The following NCAPD2 variants were observed in gnomAD, a reference collection of about 807,000 sequenced individuals.
NCAPD2 encodes the protein condensin complex subunit 1.
A neutral mutation model predicts 164.5 loss-of-function variants in NCAPD2; 100 were observed. That is an observed-to-expected ratio of 0.61 (90% CI 0.52 to 0.72). The LOEUF is 0.72. Ranked by LOEUF, NCAPD2 falls within the 30% of genes least tolerant of loss-of-function variation. The pLI is 0.00. For synonymous variants in NCAPD2, 585 were observed against 642.6 expected (o/e 0.91, Z 1.36); for missense variants, 1,560 against 1,749.2 (o/e 0.89, Z 1.93).
intron 21 of NCAPD2, 64 bp from the exon 22 acceptor site, chr12:6,526,827 G>A (rs1269769869): frequency 2.5e-5 from 38 of 1,534,206 alleles, no homozygotes; most frequent in Non-Finnish European, 3.3e-5. Flanking sequence ...GTAAAAATCG[G>A]ATTCAGGTTT....
At chr12:6,510,186 G>T (rs1369708096) in intron 4 of NCAPD2, 53 bp downstream of exon 4, 1 of 1,505,182 alleles carries the variant, frequency 6.6e-7, no homozygotes, top group African/African-American at 1.4e-5. Context: ...TCGTTTGTTT[G>T]TTTGTCTGTT....
intron 2 of NCAPD2, among the ~76,000 whole-genome samples, chr12:6,502,876 A>T (rs1946051106): frequency 6.6e-6 from 1 of 151,694 alleles, no homozygotes; most frequent in Admixed American, 6.6e-5. Flanking sequence ...TTTGAGACGG[A>T]GTCTCACTCT....
intron 2 of NCAPD2, among the ~76,000 whole-genome samples, chr12:6,505,470 G>A (rs753458350): frequency 2.0e-5 from 3 of 152,118 alleles, no homozygotes; most frequent in Non-Finnish European, 2.9e-5. Context: ...CCATAGTATC[G>A]ACAAGAGGCG....
intron 14 of NCAPD2, among the ~76,000 whole-genome samples, chr12:6,521,550 C>G (rs988019790): frequency 9.7e-5 from 14 of 144,858 alleles, no homozygotes; most frequent in African/African-American, 3.7e-4. Context: ...TAGCCAGGTG[C>G]GGTGGCACGC....
At chr12:6,495,904 T>G (rs1945977808) in intron 2 of NCAPD2, among the ~76,000 whole-genome samples, 2 of 152,180 alleles carry the variant, frequency 1.3e-5, no homozygotes, top group South Asian at 4.1e-4. Flanking sequence ...TGCCTTGGTT[T>G]CGTCATCTGT....
At chr12:6,510,889 AT>A (rs1946140321) in intron 5 of NCAPD2, 79 bp downstream of exon 5, 1 of 1,489,792 alleles carries the variant, frequency 6.7e-7, no homozygotes, top group South Asian at 1.3e-5. Flanking sequence ...GAATCCAATG[AT>A]CCACAAATCC....
At chr12:6,508,778 G>A (rs775521051) in intron 2 of NCAPD2, among the ~76,000 whole-genome samples, 9 of 152,184 alleles carry the variant, frequency 5.9e-5, no homozygotes, top group Non-Finnish European at 1.0e-4. Flanking sequence ...CAGACACTAC[G>A]AAGTGATCAA....
intron 2 of NCAPD2, among the ~76,000 whole-genome samples, chr12:6,500,636 C>A (rs756534414): frequency 1.3e-5 from 2 of 152,184 alleles, no homozygotes; most frequent in Non-Finnish European, 2.9e-5. Flanking sequence ...GATGTCAAAG[C>A]TGCTGAATCA....
At chr12:6,510,326 T>G (rs745753665) in intron 4 of NCAPD2, 193 bp downstream of exon 4, 9 of 796,904 alleles carry the variant, frequency 1.1e-5, no homozygotes, top group Middle Eastern at 2.2e-4. Flanking sequence ...TACAGAGTTA[T>G]GTGTGTTCAC....
At chr12:6,503,713 G>C (rs1368111935) in intron 2 of NCAPD2, among the ~76,000 whole-genome samples, 1 of 151,560 alleles carries the variant, frequency 6.6e-6, no homozygotes, top group East Asian at 1.9e-4. Flanking sequence ...GGAGGTTGTA[G>C]TGAGCCGAGA....
chr12:6,505,942 C>G (rs529890787), intron 2 of NCAPD2, among the ~76,000 whole-genome samples: 1 of 151,488 alleles, frequency 6.6e-6, no homozygotes, highest in Non-Finnish European at 1.5e-5. Context: ...CATGTACTGT[C>G]TGTGTTTGTG....
rs1419459612 is a variant in NCAPD2, at chr12:6,526,496, T to G, written c.2615T>G (p.Val872Gly). ...PLWIPFKEVA[V>G]TLIYQLAEGP... ...TGGATCCCATTCAAAGAGGTGGCAGTGACCCTCATTTACCAACTGGCAGAG... is the reference window on the plus strand; with the variant it reads ...TGGATCCCATTCAAAGAGGTGGCAGGGACCCTCATTTACCAACTGGCAGAG... The change falls in exon 21 of 32, where the codon GTG becomes GGG. Residue 872 changes from valine to glycine, a missense_variant. By Grantham distance (109) the Val-to-Gly change is moderately radical. Transcript: ENST00000315579. The G allele has an allele frequency of 5.6e-6, 9 of 1,614,164 alleles. No homozygotes were observed. In the South Asian group the frequency reaches 6.6e-5, roughly 12 times the overall value.
Position 6,527,760 on chromosome 12 carries a change from A to C in NCAPD2, c.2908-17A>C, listed in dbSNP as rs754433885. On this transcript the variant is annotated splice_polypyrimidine_tract_variant and intron_variant, in intron 22 of 31. Coordinates refer to ENST00000315579, the MANE Select transcript of NCAPD2 (RefSeq NM_014865.4). ...TTGTCTCTGCTTATCCATGATCCCC[A>C]ATTTCATTCCCTTTAGAATACGAGC... is the stretch of plus-strand genomic sequence containing the variant. The C allele has an allele frequency of 1.3e-6, 2 of 1,596,944 alleles. No homozygotes were observed. The highest frequency in any genetic ancestry group is 3.3e-4 in the Middle Eastern group (2 of 6,008).
At chr12:6,495,407 A>G (rs749486343) in intron 2 of NCAPD2, among the ~76,000 whole-genome samples, 182 bp downstream of exon 2, 6 of 152,226 alleles carry the variant, frequency 3.9e-5, no homozygotes, top group Non-Finnish European at 8.8e-5. Flanking sequence ...GAGTACATTC[A>G]TTAACTTCCT....
At chr12:6,518,071 A>G (rs1946220977) in intron 13 of NCAPD2, 112 bp downstream of exon 13, 1 of 1,001,016 alleles carries the variant, frequency 1.0e-6, no homozygotes, top group Admixed American at 2.1e-5. Flanking sequence ...TGCTGCCACC[A>G]GGTGATGGTA....
chr12:6,531,210 C>T lies in NCAPD2; in HGVS notation c.4121-117C>T. On this transcript the variant is annotated intron_variant, in intron 31 of 31. Coordinates refer to ENST00000315579, the MANE Select transcript of NCAPD2 (RefSeq NM_014865.4). The surrounding 1 kb of genome is among the most constrained non-coding windows in gnomAD (Gnocchi z 4.1). ...CTGCCGCAGAAGGGCCTCTCCTGTACAGCTTGGATTTTATTTCTTCTGTGC... is the reference window on the plus strand; with the variant it reads ...CTGCCGCAGAAGGGCCTCTCCTGTATAGCTTGGATTTTATTTCTTCTGTGC... 6.7e-7 allele frequency: 1 copy of T among 1,481,500 alleles called. No individual in the cohort carries two copies. The highest frequency in any genetic ancestry group is 9.3e-7 in the Non-Finnish European group (1 of 1,078,718). 91.8% of individuals were successfully genotyped at this position (1,481,500 alleles called of 1,614,324 possible).
chr12:6,514,890 G>A lies in NCAPD2; in HGVS notation c.957G>A (p.Met319Ile). ...TCCCAGCTATCCTGATGTCCAGCAT[G>A]TGCATTTTGCTAGATCACCTGGATG... is the stretch of plus-strand genomic sequence containing the variant. ...ERVPAILMSS[M>I]CILLDHLDGE... Residue 319 changes from methionine (M) to isoleucine (I), a missense_variant, in exon 9 of 32, where the codon ATG (methionine) becomes ATA (isoleucine). Met to Ile is a conservative substitution (Grantham distance 10). Transcript: ENST00000315579. 1 of 1,614,206 alleles carries A rather than the reference G, an allele frequency of 6.2e-7. No individual in the cohort carries two copies.
intron 2 of NCAPD2, among the ~76,000 whole-genome samples, chr12:6,497,425 C>G (rs1945994378): frequency 6.6e-6 from 1 of 151,984 alleles, no homozygotes; most frequent in South Asian, 2.1e-4. Context: ...CATGTATTAG[C>G]TATTTTTTTC....
intron 29 of NCAPD2, 98 bp from the exon 30 acceptor site, chr12:6,530,593 T>C (rs1442375483): frequency 3.4e-6 from 5 of 1,489,002 alleles, no homozygotes; most frequent in Non-Finnish European, 4.6e-6. Context: ...TTCTTAGTAA[T>C]GTGCGTTTAA....
Sources: gnomAD v4.1 joint callset for allele counts (sites outside exome capture counted in the v4.1 genomes callset) on GRCh38, gnomAD v4.1.1 for gene constraint, Gnocchi (gnomAD v3.1) non-coding constraint, MANE v1.5 for transcripts, NCBI Gene and HGNC (gene_info 2026-07-23, HGNC 2026-07-21) for gene names.